Variants in ZXDC observed in about 807,000 individuals in gnomAD.
ZXDC encodes the protein zinc finger protein ZXDC.
In ZXDC, 58 loss-of-function variants were observed where a neutral mutation model predicts 63.6. The ratio of observed to expected loss-of-function variants is 0.91; its 90% CI spans 0.74 to 1.13. ZXDC has a LOEUF of 1.13. ZXDC is among the 50% of genes most tolerant of loss of function. The probability of loss-of-function intolerance (pLI) is 0.00; values close to 1 mark genes in which losing one functional copy is unlikely to be tolerated. For missense variants in ZXDC, 1,133 were observed against 1,148.9 expected (o/e 0.99, Z 0.20); for synonymous variants, 561 against 496.1 (o/e 1.13, Z -1.74).
rs1263450995 is a variant in ZXDC at position 126,441,757 on chromosome 3, G to GTGTGA, written c.2394+7_2394+8insTCACA. 2 of 1,583,178 alleles carry GTGTGA rather than the reference G, an allele frequency of 1.3e-6. No homozygotes were observed. The highest frequency in any genetic ancestry group is 2.7e-5 in the African/African-American group (2 of 74,252). ...TACAGCTGGCCTGTGTGACTGGCCA[G>GTGTGA]CTCTCACCTGCACCAGCTGGACCTG... On this transcript the variant is annotated splice_region_variant and intron_variant, in intron 8 of 9. Transcript: ENST00000389709.
intron 7 of ZXDC, chr3:126,450,328 C>T (rs1934049134): frequency 2.2e-6 from 1 of 456,708 alleles, no homozygotes; most frequent in Non-Finnish European, 4.4e-6. Context: ...AACACAAGAG[C>T]AGACAGCTCC....
chr3:126,442,040 C>T, intron 7 of ZXDC, 94 bp from the exon 8 acceptor site: 1 of 1,349,982 alleles, frequency 7.4e-7, no homozygotes, highest in South Asian at 1.8e-5. Flanking sequence ...GACAGCCTTC[C>T]CATTAATTGT....
intron 7 of ZXDC, chr3:126,451,390 A>C: frequency 1.0e-5 from 10 of 985,374 alleles, no homozygotes; most frequent in Non-Finnish European, 1.2e-5. Flanking sequence ...AATATTATAA[A>C]CAGTCCCGCA....
At chr3:126,455,188 T>C (rs1934259091) in intron 7 of ZXDC, 1 of 584,202 alleles carries the variant, frequency 1.7e-6, no homozygotes, top group Non-Finnish European at 2.2e-6. Flanking sequence ...AAAAGTAATT[T>C]AGCAACATAA....
chr3:126,450,399 T>C (rs762122780), intron 7 of ZXDC: 3 of 455,560 alleles, frequency 6.6e-6, no homozygotes, highest in South Asian at 1.5e-5. Flanking sequence ...CACCCTCCCC[T>C]GTTAGAGGCC....
intron 7 of ZXDC, chr3:126,454,386 A>G: frequency 1.0e-6 from 1 of 985,470 alleles, no homozygotes; most frequent in Non-Finnish European, 1.2e-6. Flanking sequence ...ACACATGAAC[A>G]GCAACCAAAA....
intron 7 of ZXDC, chr3:126,458,466 G>T (rs1325356706): frequency 4.9e-6 from 2 of 404,520 alleles, no homozygotes; most frequent in African/African-American, 4.3e-5. Flanking sequence ...TCGAACTCCT[G>T]ACCTCAGGTG....
rs1052790456 is a variant in ZXDC at position 126,453,337 on chromosome 3, GAT to G, written c.2212+6314_2212+6315del. The G allele has an allele frequency of 1.2e-5, 12 of 985,274 alleles. No individual in the cohort carries two copies. In the African/African-American group the frequency reaches 1.7e-4, roughly 14 times the overall value. The allele number at this position is 985,274 out of a possible 1,614,324, so 61.0% of individuals were successfully genotyped here. ...GGCCTAGGGGCCATATCCCCTTAAGGATATGTTTTCTTTGGCCCATACCAAAA... is the reference window on the plus strand; with the variant it reads ...GGCCTAGGGGCCATATCCCCTTAAGGATGTTTTCTTTGGCCCATACCAAAA... On this transcript the variant is annotated intron_variant, in intron 7 of 9. Coordinates refer to ENST00000389709, the MANE Select transcript of ZXDC (RefSeq NM_025112.5).
rs1009245809 is a variant in ZXDC at position 126,466,760 on chromosome 3, C to T, written c.1271-435G>A. Among the ~76,000 whole-genome samples, 3 of 152,200 alleles carry T rather than the reference C, an allele frequency of 2.0e-5. 1 individual carries two copies. The highest frequency in any genetic ancestry group is 4.8e-5 in the African/African-American group (2 of 41,448). On this transcript the variant is annotated intron_variant, in intron 4 of 9. Transcript: ENST00000389709. Reference sequence around the variant, plus strand: ...AGCTGGAAACTATCTTGACAGATCACCAAAGCCAGTCCTTTCACTTTCCCA... The same window carrying T: ...AGCTGGAAACTATCTTGACAGATCATCAAAGCCAGTCCTTTCACTTTCCCA...
At chr3:126,451,735 G>A in intron 7 of ZXDC, 1 of 985,368 alleles carries the variant, frequency 1.0e-6, no homozygotes, top group Middle Eastern at 5.2e-4. Context: ...TCTGCACCAT[G>A]ATCTCACGCT....
At chr3:126,455,177 CA>C (rs56231937) in intron 7 of ZXDC, 33,918 of 709,620 alleles carry the variant, frequency 0.048, 1,031 homozygotes, top group Non-Finnish European at 0.054. Context: ...AACTTAATGC[CA>C]AAAGTAATTT....
chr3:126,454,883 A>G, intron 7 of ZXDC: 1 of 985,404 alleles, frequency 1.0e-6, no homozygotes, highest in Non-Finnish European at 1.2e-6. Context: ...TACTCAAGAT[A>G]AAGAAATTCA....
In ZXDC at chr3:126,472,165, G is replaced by T; in HGVS notation, c.1048C>A (p.Arg350=). The T allele has an allele frequency of 6.2e-7, 1 of 1,609,624 alleles. No individual in the cohort carries two copies. Residue 350 remains arginine, a synonymous_variant, in exon 2 of 10, where the codon CGG becomes AGG. Coordinates refer to ENST00000389709, the MANE Select transcript of ZXDC (RefSeq NM_025112.5). ...CCTAGCTCATTACCTGTATGGCTCC[G>T]CAGGTGAATTTTCAGCCGACAGGCT... ...DKACRLKIHL[R]SHTGERPFIC...
At chr3:126,441,392 A>G in intron 8 of ZXDC, 2 of 1,057,418 alleles carry the variant, frequency 1.9e-6, no homozygotes, top group Non-Finnish European at 2.3e-6. Context: ...CTTTTGCCCC[A>G]GCCCTGCAGA....
chr3:126,474,912 C>G, intron 1 of ZXDC, 47 bp downstream of exon 1: 1 of 1,519,494 alleles, frequency 6.6e-7, no homozygotes, highest in Non-Finnish European at 8.8e-7. Flanking sequence ...CACCCCAGAC[C>G]TGCCTGCAAC....
intron 6 of ZXDC, 93 bp downstream of exon 6, chr3:126,461,442 C>T (rs971699483): frequency 4.8e-6 from 7 of 1,471,676 alleles, no homozygotes; most frequent in South Asian, 4.3e-5. Flanking sequence ...AAACCAGAAA[C>T]GTCTGCATAG....
At chr3:126,457,972 GAACA>G (rs2107643664) in intron 7 of ZXDC, among the ~76,000 whole-genome samples, 1 of 152,302 alleles carries the variant, frequency 6.6e-6, no homozygotes, top group East Asian at 1.9e-4. Flanking sequence ...ACACTCGAAA[GAACA>G]ATCAGTTTCT....
At chr3:126,460,029 ATACT>A in intron 6 of ZXDC, 1 of 985,432 alleles carries the variant, frequency 1.0e-6, no homozygotes, top group Non-Finnish European at 1.2e-6. Flanking sequence ...AATCAATTAC[ATACT>A]TCTCTGCTTT....
Position 126,472,066 on chromosome 3 carries a change from A to G in ZXDC, c.1061-15T>C, listed in dbSNP as rs972666428. The G allele has an allele frequency of 6.2e-7, 1 of 1,610,568 alleles. No homozygotes were observed. Among genetic ancestry groups the G allele is most frequent in the South Asian group, 1.1e-5 (1 of 89,898 alleles). ...TGGTCTTTCACCTTATAAAAGAAAA[A>G]ATTATACAGCATAAAATTTACAACT... On this transcript the variant is annotated splice_polypyrimidine_tract_variant and intron_variant, in intron 2 of 9. Coordinates refer to ENST00000389709, the MANE Select transcript of ZXDC (RefSeq NM_025112.5).
Sources: gnomAD v4.1 joint callset for allele counts (sites outside exome capture counted in the v4.1 genomes callset) on GRCh38, gnomAD v4.1.1 for gene constraint, MANE v1.5 for transcripts, NCBI Gene and HGNC (gene_info 2026-07-23, HGNC 2026-07-21) for gene names.